The following FRMPD4 variants were observed in gnomAD, a reference collection of about 807,000 sequenced individuals.
FRMPD4 encodes FERM and PDZ domain containing 4.
Under a neutral mutation model 94.1 loss-of-function variants are expected in FRMPD4, and 22 were observed. The observed-to-expected ratio is 0.23, with a 90% confidence interval of 0.17 to 0.33. FRMPD4 has a LOEUF of 0.33. FRMPD4 is among the 10% of genes least tolerant of loss of function. The pLI, the probability that FRMPD4 is intolerant of heterozygous loss-of-function variation, is 1.00. For missense variants in FRMPD4, 1,111 were observed against 1,339.9 expected, an observed-to-expected ratio of 0.83 and a Z score of 2.67; for synonymous variants, 631 against 548.6, an observed-to-expected ratio of 1.15 and a Z score of -2.10.
chrX:12,479,499 TTATATA>T (rs1296370861), intron 1 of FRMPD4, among the ~76,000 whole-genome samples: 4 of 99,830 alleles, frequency 4.0e-5, no homozygotes, highest in Non-Finnish European at 8.0e-5. Flanking sequence ...TACGTATATA[TTATATA>T]TATATATATA....
intron 1 of FRMPD4, among the ~76,000 whole-genome samples, chrX:12,182,820 C>T (rs775709696): frequency 1.8e-5 from 2 of 111,158 alleles, no homozygotes; most frequent in African/African-American, 3.3e-5. Context: ...TTGTTTTTAC[C>T]GACAAATCTG....
At chrX:12,100,612 G>T (rs778060382) in intron 3 of FRMPD4, among the ~76,000 whole-genome samples, 1 of 111,381 alleles carries the variant, frequency 9.0e-6, no homozygotes, top group South Asian at 3.8e-4. Context: ...TAAAATATTT[G>T]CTACTTATTG....
chrX:12,643,358 A>G (rs1032709187), intron 4 of FRMPD4, among the ~76,000 whole-genome samples: 2 of 111,239 alleles, frequency 1.8e-5, no homozygotes, highest in African/African-American at 6.5e-5. Flanking sequence ...CCTGACCTCA[A>G]GTGAGCCACC....
At chrX:12,056,292 G>A (rs1483460026) in intron 3 of FRMPD4, among the ~76,000 whole-genome samples, 1 of 111,413 alleles carries the variant, frequency 9.0e-6, no homozygotes, top group Non-Finnish European at 1.9e-5. Flanking sequence ...TTATGCTTAG[G>A]TTCAGTAAAA....
chrX:12,031,897 G>A (rs1198163050), intron 3 of FRMPD4, among the ~76,000 whole-genome samples: 3 of 111,455 alleles, frequency 2.7e-5, no homozygotes, highest in Non-Finnish European at 3.8e-5. Context: ...TATGGCAGTG[G>A]GAGGTGACAA....
At chrX:12,395,079 A>G (rs2056525619) in intron 1 of FRMPD4, among the ~76,000 whole-genome samples, 1 of 112,356 alleles carries the variant, frequency 8.9e-6, no homozygotes, top group African/African-American at 3.2e-5. Flanking sequence ...AAATTTAACT[A>G]TCAGACATCT....
chrX:12,174,731 A>G (rs1225909690), intron 1 of FRMPD4, among the ~76,000 whole-genome samples: 1 of 111,788 alleles, frequency 8.9e-6, no homozygotes, highest in African/African-American at 3.3e-5. Context: ...TACTTTTACA[A>G]GTGATTCTGA....
At chrX:12,119,944 G>A (rs918656455) in intron 3 of FRMPD4, among the ~76,000 whole-genome samples, 2 of 112,182 alleles carry the variant, frequency 1.8e-5, no homozygotes, top group Non-Finnish European at 3.8e-5. Flanking sequence ...TCAGTTCCAC[G>A]ACACTTAGTA....
At chrX:12,583,534 TC>T (rs772097685) in intron 2 of FRMPD4, 2 of 1,018,689 alleles carry the variant, frequency 2.0e-6, no homozygotes, top group South Asian at 4.0e-5. Context: ...CATATTATGA[TC>T]CTCATAACCA....
intron 2 of FRMPD4, among the ~76,000 whole-genome samples, chrX:12,503,553 T>C (rs187933442): frequency 8.0e-5 from 9 of 112,311 alleles, no homozygotes; most frequent in Non-Finnish European, 1.7e-4. Context: ...GTCATTCCCA[T>C]CTGCCAATCT....
chrX:12,185,557 C>T (rs1377373341), intron 1 of FRMPD4, among the ~76,000 whole-genome samples: 1 of 111,587 alleles, frequency 9.0e-6, no homozygotes, highest in Non-Finnish European at 1.9e-5. Context: ...ACCCAAATCA[C>T]TCATTTTCCC....
At chrX:12,496,647 G>T (rs1438556052) in intron 1 of FRMPD4, among the ~76,000 whole-genome samples, 1 of 107,615 alleles carries the variant, frequency 9.3e-6, no homozygotes, top group African/African-American at 3.4e-5. Flanking sequence ...TACAAAGGGT[G>T]TTTTTTTTTT....
chrX:11,866,651 T>G (rs2053720795), intron 2 of FRMPD4, among the ~76,000 whole-genome samples: 1 of 112,371 alleles, frequency 8.9e-6, no homozygotes, highest in Admixed American at 9.4e-5. Context: ...TACAACTAGA[T>G]TAATATATTA....
At chrX:12,304,155 A>G (rs1199001546) in intron 1 of FRMPD4, among the ~76,000 whole-genome samples, 1 of 111,750 alleles carries the variant, frequency 8.9e-6, no homozygotes, top group Non-Finnish European at 1.9e-5. Flanking sequence ...AATGATGCCA[A>G]CTTACCAAGG....
At chrX:12,306,881 G>A (rs370741503) in intron 1 of FRMPD4, among the ~76,000 whole-genome samples, 1 of 112,298 alleles carries the variant, frequency 8.9e-6, no homozygotes, top group African/African-American at 3.2e-5. Context: ...ACTTCCTGGA[G>A]GATCTGGCAT....
At chrX:12,327,220 A>G (rs1241437166) in intron 1 of FRMPD4, among the ~76,000 whole-genome samples, 2 of 112,575 alleles carry the variant, frequency 1.8e-5, no homozygotes, top group Non-Finnish European at 3.7e-5. Flanking sequence ...TTTGAACTGA[A>G]ATCTTCACCA....
intron 1 of FRMPD4, among the ~76,000 whole-genome samples, chrX:12,163,811 A>G (rs1286059600): frequency 8.9e-6 from 1 of 112,046 alleles, no homozygotes; most frequent in Non-Finnish European, 1.9e-5. Context: ...GCAGCTTAAT[A>G]TCATCAAGAA....
At position 11,908,107 on chromosome X, in the gene FRMPD4, A is replaced by G. The variant is rs766360667; in HGVS notation, c.95+30089A>G. ...CTTAGTTGTCAGCCAATAATTAGACAGAAACTGTGCTCAAACAATTTATGC... is the reference window on the plus strand; with the variant it reads ...CTTAGTTGTCAGCCAATAATTAGACGGAAACTGTGCTCAAACAATTTATGC... On this transcript the variant is annotated intron_variant, in intron 3 of 18. Coordinates refer to the FRMPD4 transcript ENST00000640291. Among the ~76,000 whole-genome samples the G allele has an allele frequency of 3.6e-5, 4 of 112,062 alleles. No individual in the cohort carries two copies. The South Asian group carries it at 1.5e-3, about 41-fold the overall frequency.
intron 1 of FRMPD4, among the ~76,000 whole-genome samples, chrX:11,830,615 G>A (rs1443430076): frequency 1.8e-5 from 2 of 111,841 alleles, no homozygotes; most frequent in African/African-American, 6.5e-5. Flanking sequence ...AGTATTTAAT[G>A]TATTTTAATA....
Sources: gnomAD v4.1 joint callset for allele counts (sites outside exome capture counted in the v4.1 genomes callset) on GRCh38, gnomAD v4.1.1 for gene constraint, MANE v1.5 for transcripts, NCBI Gene and HGNC (gene_info 2026-07-23, HGNC 2026-07-21) for gene names.